Variants in CCDC7 observed in about 807,000 individuals in gnomAD.
The protein encoded by CCDC7 is coiled-coil domain containing 7, also known as coiled-coil domain-containing protein 7.
Under a neutral mutation model 196.9 loss-of-function variants are expected in CCDC7, and 183 were observed. That is an observed-to-expected ratio of 0.93 (90% confidence interval 0.82 to 1.05). The LOEUF (loss-of-function observed/expected upper bound fraction) is 1.05, where lower values mean the gene tolerates loss of function less well. Among genes scored for constraint, CCDC7 ranks in the 50% least tolerant of loss-of-function variants. The pLI, the probability that CCDC7 is intolerant of heterozygous loss-of-function variation, is 0.00. For missense variants in CCDC7, 1,540 were observed against 1,482.2 expected (o/e 1.04, Z -0.64); for synonymous variants, 525 against 484.6 (o/e 1.08, Z -1.10).
chr10:32,698,790 A>G (rs573208724), intron 24 of CCDC7, among the ~76,000 whole-genome samples: 1 of 152,338 alleles, frequency 6.6e-6, no homozygotes, highest in Non-Finnish European at 1.5e-5. Context: ...TCAGGATATT[A>G]TGAAGGAGAA....
chr10:32,487,731 G>C (rs147430805), intron 8 of CCDC7, among the ~76,000 whole-genome samples: 1 of 152,216 alleles, frequency 6.6e-6, no homozygotes, highest in Non-Finnish European at 1.5e-5. Context: ...CAGGTCTGTT[G>C]GAGTTTGCTG....
chr10:32,828,531 GAAGAAGAAGAAGAAGAAGAAGAAGAAGA>G (rs1391642649), intron 32 of CCDC7, among the ~76,000 whole-genome samples: 12 of 150,514 alleles, frequency 8.0e-5, no homozygotes, highest in Non-Finnish European at 1.8e-4. Flanking sequence ...AGAAGAAGAA[GAAGAAGAAGAAGAAGAAGAAGAAGAAGA>G]AAGAAGAAGA....
chr10:32,674,937 C>T (rs1184418563), intron 21 of CCDC7, among the ~76,000 whole-genome samples: 1 of 151,554 alleles, frequency 6.6e-6, no homozygotes, highest in Non-Finnish European at 1.5e-5. Context: ...ATATCTTTTC[C>T]TCTCCTTCTC....
At chr10:32,858,986 C>T (rs1037764726) in intron 41 of CCDC7, among the ~76,000 whole-genome samples, 1 of 151,998 alleles carries the variant, frequency 6.6e-6, no homozygotes, top group Non-Finnish European at 1.5e-5. Context: ...TTAACAACCC[C>T]GTGTCAATAT....
intron 33 of CCDC7, among the ~76,000 whole-genome samples, chr10:32,842,947 AG>A (rs200230229): frequency 6.6e-6 from 1 of 151,722 alleles, no homozygotes; most frequent in Admixed American, 6.6e-5. Context: ...GGGAAAGAGT[AG>A]GGGGGGCAAG....
At chr10:32,465,028 A>G (rs1057227512) in intron 5 of CCDC7, among the ~76,000 whole-genome samples, 1 of 152,124 alleles carries the variant, frequency 6.6e-6, no homozygotes, top group African/African-American at 2.4e-5. Flanking sequence ...TCATTAGATT[A>G]TTATCAGGGT....
In CCDC7 at chr10:32,636,711, G is replaced by A. The variant is rs564551547; in HGVS notation, c.2014+1553G>A. Among the ~76,000 whole-genome samples the A allele has an allele frequency of 8.7e-4, 132 of 152,168 alleles. 1 individual carries two copies. The highest frequency in any genetic ancestry group is 2.9e-3 in the African/African-American group (119 of 41,532). On this transcript the variant is annotated intron_variant, in intron 20 of 41. Coordinates refer to ENST00000639629, the Ensembl canonical transcript of CCDC7. The stretch of plus-strand genomic sequence containing the variant: ...CATATGTGTGCATGTGTCTTTATAG[G>A]AGCATGTTTTATAATCCTTTGGGTA...
intron 13 of CCDC7, among the ~76,000 whole-genome samples, chr10:32,559,825 T>C (rs1165417323): frequency 6.6e-6 from 1 of 152,210 alleles, no homozygotes; most frequent in Admixed American, 6.5e-5. Context: ...GGATGGAGAA[T>C]GACTTTGACG....
exon 9 of CCDC7, chr10:32,491,945 C>A: frequency 6.4e-7 from 1 of 1,573,000 alleles, no homozygotes; most frequent in South Asian, 1.2e-5. Context: ...AATGACTAAT[C>A]GATTTAATGC....
At chr10:32,761,877 G>A (rs2077515536) in intron 28 of CCDC7, among the ~76,000 whole-genome samples, 2 of 151,952 alleles carry the variant, frequency 1.3e-5, no homozygotes, top group Admixed American at 1.3e-4. Flanking sequence ...AGAATTTGTA[G>A]AGACTGATGT....
chr10:32,531,733 T>C (rs913677340), intron 11 of CCDC7, among the ~76,000 whole-genome samples: 2 of 152,220 alleles, frequency 1.3e-5, no homozygotes, highest in African/African-American at 4.8e-5. Context: ...TTGTTACTTA[T>C]TATTGGTTTG....
At chr10:32,591,904 T>C (rs1262393378) in intron 18 of CCDC7, among the ~76,000 whole-genome samples, 1 of 152,200 alleles carries the variant, frequency 6.6e-6, no homozygotes, top group Non-Finnish European at 1.5e-5. Flanking sequence ...TTGGTGCTCT[T>C]TCTCACTGTG....
At chr10:32,592,555 A>AT (rs34065729) in intron 18 of CCDC7, among the ~76,000 whole-genome samples, 38,132 of 151,788 alleles carry the variant, frequency 0.25, 5,388 homozygotes, top group South Asian at 0.43. Flanking sequence ...CAAGATATAT[A>AT]TTTTTTAATT....
chr10:32,446,143 G>A (rs1021554517), exon 1 of CCDC7: 11 of 152,130 alleles, frequency 7.2e-5, no homozygotes, highest in African/African-American at 2.7e-4. Context: ...TGGCTTCAAC[G>A]GCCCCATCCG....
chr10:32,451,283 T>C (rs1041616825), upstream of CCDC7, among the ~76,000 whole-genome samples: 12 of 152,216 alleles, frequency 7.9e-5, no homozygotes, highest in Non-Finnish European at 1.8e-4. Context: ...TCTACTCCCA[T>C]GTAAAATGGA....
chr10:32,698,959 T>G (rs917596508), intron 24 of CCDC7, among the ~76,000 whole-genome samples: 1 of 152,152 alleles, frequency 6.6e-6, no homozygotes, highest in African/African-American at 2.4e-5. Flanking sequence ...GGAGAGAAAG[T>G]TCGGGTTAAC....
intron 11 of CCDC7, among the ~76,000 whole-genome samples, chr10:32,539,515 A>G (rs539026821): frequency 6.6e-5 from 10 of 151,184 alleles, no homozygotes; most frequent in South Asian, 2.1e-4. Context: ...TTGTATCTCA[A>G]TTTCTTCAGT....
chr10:32,456,408 C>A, intron 3 of CCDC7, 74 bp downstream of exon 4: 1 of 1,213,782 alleles, frequency 8.2e-7, no homozygotes, highest in Non-Finnish European at 1.1e-6. Context: ...AATCTGCTAT[C>A]CAGTCAGCCA....
At chr10:32,665,758 G>A (rs994494) in intron 21 of CCDC7, among the ~76,000 whole-genome samples, 140,476 of 152,102 alleles carry the variant, frequency 0.92, 65,859 homozygotes, top group East Asian at 1. Context: ...AAAAAATGTT[G>A]CTGGGATTTT....
Sources: gnomAD v4.1 joint callset for allele counts (sites outside exome capture counted in the v4.1 genomes callset) on GRCh38, gnomAD v4.1.1 for gene constraint, MANE v1.5 for transcripts, NCBI Gene and HGNC (gene_info 2026-07-23, HGNC 2026-07-21) for gene names.